Variants in TOM1L1 observed in about 807,000 individuals in gnomAD.
TOM1L1 encodes TOM1-like protein 1.
In TOM1L1, 64 loss-of-function variants were observed where a neutral mutation model predicts 63.4. That is an observed-to-expected ratio of 1.01 (90% CI 0.83 to 1.24). The LOEUF is 1.24. TOM1L1 is among the 50% of genes most tolerant of loss of function. The pLI is 0.00. For missense variants in TOM1L1, 536 were observed against 567.0 expected, an observed-to-expected ratio of 0.95 and a Z score of 0.55; for synonymous variants, 166 against 194.4, an observed-to-expected ratio of 0.85 and a Z score of 1.22.
At chr17:54,935,010 G>C (rs543407610) in intron 8 of TOM1L1, among the ~76,000 whole-genome samples, 7 of 152,284 alleles carry the variant, frequency 4.6e-5, no homozygotes, top group African/African-American at 1.7e-4. Flanking sequence ...GAGCCACAGT[G>C]CCTGGCTGAA....
At chr17:54,912,909 C>T in intron 4 of TOM1L1, 94 bp downstream of exon 4, 1 of 1,131,986 alleles carries the variant, frequency 8.8e-7, no homozygotes, top group Non-Finnish European at 1.2e-6. Context: ...TTTTATATAT[C>T]TAGGATTGAG....
intron 7 of TOM1L1, among the ~76,000 whole-genome samples, chr17:54,923,686 T>C (rs7224947): frequency 0.75 from 114,287 of 151,766 alleles, 43,389 homozygotes; most frequent in African/African-American, 0.84. Flanking sequence ...GCTGAGACTA[T>C]AGGTGCCTGC....
At chr17:54,955,370 C>CA (rs1217239288) in intron 14 of TOM1L1, among the ~76,000 whole-genome samples, 3 of 152,168 alleles carry the variant, frequency 2.0e-5, no homozygotes, top group African/African-American at 7.2e-5. Flanking sequence ...AAAGCACACA[C>CA]ACTGTTCATG....
chr17:54,943,029 G>C (rs2049056792), intron 11 of TOM1L1, among the ~76,000 whole-genome samples: 1 of 152,180 alleles, frequency 6.6e-6, no homozygotes, highest in South Asian at 2.1e-4. Flanking sequence ...TTGGTTGATT[G>C]AGTCTTTTAT....
intron 11 of TOM1L1, among the ~76,000 whole-genome samples, chr17:54,941,939 G>C (rs2049037451): frequency 6.6e-6 from 1 of 152,122 alleles, no homozygotes; most frequent in Admixed American, 6.6e-5. Context: ...ACTTGTGAGA[G>C]GCAAAATCAG....
intron 3 of TOM1L1, among the ~76,000 whole-genome samples, chr17:54,907,710 A>T (rs2048434735): frequency 6.6e-6 from 1 of 151,798 alleles, no homozygotes; most frequent in African/African-American, 2.4e-5. Context: ...ACCCTCAAAT[A>T]TAGTATATCT....
Position 54,905,556 on chromosome 17 carries a change from CTTACCT to C in TOM1L1, c.213_218del (p.Thr72_Leu73del), listed in dbSNP as rs1174866225. On this transcript the variant is annotated inframe_deletion, in exon 3 of 16. Coordinates refer to ENST00000575882, the MANE Select transcript of TOM1L1 (RefSeq NM_005486.3). ...AAACTACAATCATAAAGAAATCCAACTTACCTTGTCAGTAAGTACTTTAATTTTATA... is the reference window on the plus strand; with the variant it reads ...AAACTACAATCATAAAGAAATCCAACTGTCAGTAAGTACTTTAATTTTATA... The C allele has an allele frequency of 6.3e-7, 1 of 1,588,122 alleles. No homozygotes were observed. The highest frequency in any genetic ancestry group is 1.7e-5 in the Admixed American group (1 of 59,480).
intron 6 of TOM1L1, 151 bp from the exon 7 acceptor site, chr17:54,915,595 T>C: frequency 2.2e-6 from 1 of 464,206 alleles, no homozygotes; most frequent in Non-Finnish European, 3.8e-6. Flanking sequence ...AAAATAACTA[T>C]ATGTATATTT....
At chr17:54,904,466 A>C (rs2048379000) in intron 2 of TOM1L1, among the ~76,000 whole-genome samples, 1 of 152,304 alleles carries the variant, frequency 6.6e-6, no homozygotes, top group African/African-American at 2.4e-5. Context: ...AAACCATCAA[A>C]TATTATCAAG....
intron 3 of TOM1L1, among the ~76,000 whole-genome samples, chr17:54,909,373 G>A (rs1239312432): frequency 6.6e-6 from 1 of 152,214 alleles, no homozygotes; most frequent in Non-Finnish European, 1.5e-5. Flanking sequence ...GAGTGGGGTA[G>A]TCACCTTGGT....
rs1279754638 is a variant in TOM1L1, at chr17:54,900,937, G to C, written c.58+14G>C. ...GCCACCTCATAGGTAAGGAGGCGCG[G>C]GGAGAGACGCCCAGGCAGGCAGGGG... On this transcript the variant is annotated intron_variant, in intron 1 of 15. Coordinates refer to ENST00000575882, the MANE Select transcript of TOM1L1 (RefSeq NM_005486.3). 2 of 1,613,808 alleles carry C rather than the reference G, an allele frequency of 1.2e-6. No homozygotes were observed. Among genetic ancestry groups the C allele is most frequent in the Non-Finnish European group, 1.7e-6 (2 of 1,180,016 alleles).
chr17:54,941,707 T>G (rs1222295525), intron 11 of TOM1L1, among the ~76,000 whole-genome samples: 1 of 152,250 alleles, frequency 6.6e-6, no homozygotes, highest in Non-Finnish European at 1.5e-5. Context: ...GTAACCTACT[T>G]GGATCTAATA....
intron 3 of TOM1L1, chr17:54,906,662 T>C (rs1415887519): frequency 1.6e-6 from 1 of 622,252 alleles, no homozygotes; most frequent in Admixed American, 6.3e-5. Flanking sequence ...ATTTGGAGAA[T>C]GTTCTATGTT....
intron 11 of TOM1L1, among the ~76,000 whole-genome samples, chr17:54,940,829 C>T (rs1023957471): frequency 2.7e-4 from 41 of 152,170 alleles, no homozygotes; most frequent in Admixed American, 9.2e-4. Context: ...AGAGTGGTTA[C>T]GTAAGTTCCA....
rs747422145 is a variant in TOM1L1 at position 54,912,760 on chromosome 17, A to T, written c.317A>T (p.Asn106Ile). Residue 106 changes from asparagine (N) to isoleucine (I), a missense_variant, in exon 4 of 16, where the codon AAT becomes ATT. Transcript: ENST00000575882. Reference sequence around the variant, plus strand: ...AAAGAGAATTTAGTTAAGCTACTGAATCCCAGATACAACTTGCCATTAGAC... The same window carrying T: ...AAAGAGAATTTAGTTAAGCTACTGATTCCCAGATACAACTTGCCATTAGAC... ...FVKENLVKLL[N>I]PRYNLPLDIQ... The T allele has an allele frequency of 7.4e-6, 12 of 1,611,468 alleles. No individual in the cohort carries two copies. Among genetic ancestry groups the T allele is most frequent in the Non-Finnish European group, 1.0e-5 (12 of 1,179,314 alleles).
intron 7 of TOM1L1, among the ~76,000 whole-genome samples, chr17:54,927,253 T>A (rs1008506007): frequency 2.6e-5 from 4 of 152,244 alleles, no homozygotes; most frequent in African/African-American, 9.6e-5. Flanking sequence ...TATGGGCTGA[T>A]AATAGGGATA....
chr17:54,953,702 G>C (rs1297680472), intron 14 of TOM1L1: 3 of 152,234 alleles, frequency 2.0e-5, no homozygotes, highest in Non-Finnish European at 2.9e-5. Context: ...TAGTCTGTAG[G>C]GCTGCCGCAT....
At chr17:54,926,666 A>G (rs975418174) in intron 7 of TOM1L1, among the ~76,000 whole-genome samples, 2 of 151,882 alleles carry the variant, frequency 1.3e-5, no homozygotes, top group Admixed American at 6.6e-5. Flanking sequence ...TCCTGAGAAT[A>G]GGAAAAAGAA....
intron 7 of TOM1L1, among the ~76,000 whole-genome samples, chr17:54,925,922 A>AACAAC (rs55864025): frequency 0.34 from 44,651 of 132,068 alleles, 6,616 homozygotes; most frequent in African/African-American, 0.37. Context: ...ACAACAACAA[A>AACAAC]AAAAAAAGCA....
Sources: allele counts gnomAD v4.1 joint callset (sites outside exome capture counted in the v4.1 genomes callset), GRCh38; gene constraint gnomAD v4.1.1; transcripts MANE v1.5; gene names NCBI Gene and HGNC (gene_info 2026-07-23, HGNC 2026-07-21).